TSHZ2: variants seen among roughly 807,000 people sequenced by gnomAD.
TSHZ2 encodes the protein teashirt homolog 2.
A neutral mutation model predicts 74.4 loss-of-function variants in TSHZ2; 21 were observed. The ratio of observed to expected loss-of-function variants is 0.28; its 90% CI spans 0.20 to 0.41. The LOEUF (loss-of-function observed/expected upper bound fraction) is 0.41. TSHZ2 is among the 10% of genes least tolerant of loss of function. TSHZ2 has a pLI of 1.00. For synonymous variants in TSHZ2, 540 were observed against 515.3 expected (o/e 1.05, Z -0.65); for missense variants, 1,244 against 1,293.5 (o/e 0.96, Z 0.59).
At chr20:53,460,857 C>T (rs1033523423) in intron 2 of TSHZ2, among the ~76,000 whole-genome samples, 3 of 151,998 alleles carry the variant, frequency 2.0e-5, no homozygotes, top group African/African-American at 7.2e-5. Context: ...AGTTAGGCTG[C>T]TCGGGGGTCA....
At chr20:53,310,082 A>G (rs1978714708) in intron 2 of TSHZ2, among the ~76,000 whole-genome samples, 1 of 152,240 alleles carries the variant, frequency 6.6e-6, no homozygotes, top group Admixed American at 6.5e-5. Context: ...TTAAACAAGT[A>G]TTCTAAAGAA....
intron 2 of TSHZ2, among the ~76,000 whole-genome samples, chr20:53,415,876 A>C (rs1983237195): frequency 6.6e-6 from 1 of 151,978 alleles, no homozygotes; most frequent in African/African-American, 2.4e-5. Context: ...AGATTTAAGA[A>C]GGTAATATTT....
At chr20:53,421,277 G>T (rs1983457911) in intron 2 of TSHZ2, 2 of 163,178 alleles carry the variant, frequency 1.2e-5, no homozygotes, top group Non-Finnish European at 1.4e-5. Flanking sequence ...TGCAGACAAA[G>T]TTCCAAAGAC....
In TSHZ2 at chr20:53,402,714, G is replaced by A. The variant is rs567514502; in HGVS notation, c.*9-84430G>A. ...CCTGAATGAGTGGAGGGAGGTGGAG[G>A]AAACACATGCCAGGCAGTGGGATGC... On this transcript the variant is annotated intron_variant, in intron 2 of 2. Transcript: ENST00000371497. 6.1e-4 allele frequency among the ~76,000 whole-genome samples: 93 copies of A among 152,276 alleles called. 1 individual carries two copies. The highest frequency in any genetic ancestry group is 2.1e-3 in the African/African-American group (87 of 41,562).
intron 1 of TSHZ2, among the ~76,000 whole-genome samples, chr20:53,129,845 C>A (rs923192766): frequency 6.6e-6 from 1 of 151,860 alleles, no homozygotes; most frequent in African/African-American, 2.4e-5. Flanking sequence ...CTTCTGCTTG[C>A]CTTTTGGTTT....
intron 1 of TSHZ2, among the ~76,000 whole-genome samples, chr20:53,110,586 G>A (rs1375337643): frequency 6.6e-6 from 1 of 152,038 alleles, no homozygotes; most frequent in Non-Finnish European, 1.5e-5. Context: ...AAGAAGATAC[G>A]TGATCAACAA....
At chr20:53,050,103 G>GTGTGTATATATATATATATATATATATA (rs1555819290) in intron 1 of TSHZ2, among the ~76,000 whole-genome samples, 1 of 116,068 alleles carries the variant, frequency 8.6e-6, no homozygotes, top group African/African-American at 3.9e-5. Context: ...GTATATGTGT[G>GTGTGTATATATATATATATATATATATA]TATATATATA....
At chr20:53,162,824 A>C (rs961931053) in intron 1 of TSHZ2, among the ~76,000 whole-genome samples, 1 of 152,068 alleles carries the variant, frequency 6.6e-6, no homozygotes, top group African/African-American at 2.4e-5. Flanking sequence ...AAAGCGGGGG[A>C]GGGGGAGAAA....
intron 1 of TSHZ2, among the ~76,000 whole-genome samples, chr20:53,042,704 A>AAC (rs894886061): frequency 3.0e-5 from 4 of 132,414 alleles, no homozygotes; most frequent in African/African-American, 1.1e-4. Flanking sequence ...TAGAGAAGAA[A>AAC]AAAAAAAAAA....
chr20:53,147,952 G>A (rs528794367), intron 1 of TSHZ2, among the ~76,000 whole-genome samples: 16 of 152,270 alleles, frequency 1.1e-4, no homozygotes, highest in African/African-American at 3.1e-4. Context: ...CTGACCTTGC[G>A]ATCTGCCCGC....
At position 53,460,058 on chromosome 20, in the gene TSHZ2, T is replaced by G. The variant is rs1420152993; in HGVS notation, c.*9-27086T>G. ...TCTTGGAGTTGCTCTTCTCAAGGAG[T>G]ATCTTTGTGGCGTTCTCTGTATTTC... is the stretch of plus-strand genomic sequence containing the variant. On this transcript the variant is annotated intron_variant, in intron 2 of 2. Transcript: ENST00000371497. Among the ~76,000 whole-genome samples the G allele has an allele frequency of 5.9e-5, 9 of 151,914 alleles. No individual in the cohort carries two copies. The South Asian group carries it at 1.5e-3, about 25-fold the overall frequency.
chr20:53,091,421 C>T (rs757070778), intron 1 of TSHZ2, among the ~76,000 whole-genome samples: 1 of 152,186 alleles, frequency 6.6e-6, no homozygotes, highest in East Asian at 1.9e-4. Context: ...GCCTGCTGAG[C>T]TTCCAGCAAA....
chr20:53,011,126 G>C (rs182682961), intron 1 of TSHZ2, among the ~76,000 whole-genome samples: 34 of 152,306 alleles, frequency 2.2e-4, no homozygotes, highest in Admixed American at 1.3e-3. Context: ...AAAATATACT[G>C]ATCCAGCTTG....
intron 1 of TSHZ2, among the ~76,000 whole-genome samples, chr20:53,157,995 G>GT (rs1397920229): frequency 6.6e-6 from 1 of 152,182 alleles, no homozygotes; most frequent in African/African-American, 2.4e-5. Flanking sequence ...AGAAATTTGA[G>GT]TGGGGGATTG....
At chr20:53,096,352 A>G (rs2801001) in intron 1 of TSHZ2, among the ~76,000 whole-genome samples, 41,671 of 151,884 alleles carry the variant, frequency 0.27, 6,353 homozygotes, top group East Asian at 0.42. Context: ...CATGTCGGCC[A>G]AGCTGGTCTC....
At chr20:53,420,472 G>A (rs1272781207) in intron 2 of TSHZ2, among the ~76,000 whole-genome samples, 2 of 152,186 alleles carry the variant, frequency 1.3e-5, no homozygotes, top group Non-Finnish European at 2.9e-5. Context: ...GCTCACGCCT[G>A]TAATCCCAGC....
intron 2 of TSHZ2, among the ~76,000 whole-genome samples, chr20:53,306,595 A>C (rs1414988717): frequency 6.6e-6 from 1 of 152,198 alleles, no homozygotes; most frequent in African/African-American, 2.4e-5. Context: ...AGGAAAAAAA[A>C]ATAGTTAAAT....
At chr20:53,426,674 G>C (rs1332415770) in intron 2 of TSHZ2, among the ~76,000 whole-genome samples, 1 of 152,130 alleles carries the variant, frequency 6.6e-6, no homozygotes, top group African/African-American at 2.4e-5. Flanking sequence ...AAGTATACTT[G>C]ACATATAACT....
intron 1 of TSHZ2, among the ~76,000 whole-genome samples, chr20:53,073,796 G>T (rs1600677115): frequency 6.6e-6 from 1 of 151,818 alleles, no homozygotes; most frequent in East Asian, 1.9e-4. Flanking sequence ...TTTAGGCCTG[G>T]GTTGATTGAT....
Sources: gnomAD v4.1 joint callset for allele counts (sites outside exome capture counted in the v4.1 genomes callset) on GRCh38, gnomAD v4.1.1 for gene constraint, MANE v1.5 for transcripts, NCBI Gene and HGNC (gene_info 2026-07-23, HGNC 2026-07-21) for gene names.